ZNF174: variants seen among roughly 807,000 people sequenced by gnomAD.
ZNF174 encodes zinc finger protein 174, also known as AW-1.
A neutral mutation model predicts 38.7 loss-of-function variants in ZNF174; 30 were observed. The observed-to-expected ratio is 0.78, with a 90% CI of 0.58 to 1.05. The LOEUF is 1.05. Ranked by LOEUF, ZNF174 falls within the 50% of genes least tolerant of loss-of-function variation. ZNF174 has a pLI of 0.00. For missense variants in ZNF174, 499 were observed against 495.6 expected (o/e 1.01, Z -0.06); for synonymous variants, 201 against 181.7 (o/e 1.11, Z -0.86).
rs994473818 is a variant in ZNF174, at chr16:3,402,112, A to G, written c.108A>G (p.Gln36=). The change falls in exon 1 of 3, where the codon CAA becomes CAG. Residue 36 remains glutamine (Q), a synonymous_variant. Coordinates refer to ENST00000268655, the MANE Select transcript of ZNF174 (RefSeq NM_003450.3). The part of the protein sequence containing the change: ...KLEEKRGPPL[Q]KNCPDPELCR... ...AAGAGAAACGGGGCCCTCCTCTGCA[A>G]AAAAACTGCCCAGATCCTGAGCTCT... 9 of 1,614,072 alleles carry G rather than the reference A, an allele frequency of 5.6e-6. No individual in the cohort carries two copies. In the Admixed American group the frequency reaches 1.5e-4, roughly 27 times the overall value.
chr16:3,403,716 G>A (rs1411348878), intron 1 of ZNF174, among the ~76,000 whole-genome samples: 1 of 151,142 alleles, frequency 6.6e-6, no homozygotes, highest in African/African-American at 2.4e-5. Context: ...ACTCTTCTTG[G>A]GCCCAGGCGA....
intron 2 of ZNF174, among the ~76,000 whole-genome samples, chr16:3,406,319 C>T (rs2034055448): frequency 6.6e-6 from 1 of 152,114 alleles, no homozygotes; most frequent in African/African-American, 2.4e-5. Context: ...AGTGGAATTA[C>T]CATATGCTAG....
chr16:3,402,526 T>G (rs957348814), intron 1 of ZNF174, 120 bp downstream of exon 1: 7 of 1,010,356 alleles, frequency 6.9e-6, no homozygotes, highest in Non-Finnish European at 9.8e-6. Flanking sequence ...TGGCGCTATC[T>G]CGGCTCACTG....
At position 3,401,790 on chromosome 16, in the gene ZNF174, A is replaced by G; in HGVS notation, c.-215A>G. 1 of 556,622 alleles carries G rather than the reference A, an allele frequency of 1.8e-6. No homozygotes were observed. The highest frequency in any genetic ancestry group is 3.1e-6 in the Non-Finnish European group (1 of 324,004). 34.5% of individuals were successfully genotyped at this position (556,622 alleles called of 1,614,324 possible). A position where few individuals can be genotyped will look rare whatever the true frequency, so the allele number is the denominator to read the frequency against. On this transcript the variant is annotated 5_prime_UTR_variant, in exon 1 of 3. Coordinates refer to ENST00000268655, the MANE Select transcript of ZNF174 (RefSeq NM_003450.3). ...TGCAAGACTGCAAAAAACTGACAAG[A>G]AGACAAAACTCTTCCCACTCCCAGG...
At position 3,402,138 on chromosome 16, in the gene ZNF174, G is replaced by A; in HGVS notation, c.134G>A (p.Cys45Tyr). Residue 45 changes from cysteine to tyrosine, a missense_variant, in exon 1 of 3, where the codon TGC becomes TAC. Physicochemically the swap from Cys to Tyr is radical, Grantham distance 194. Coordinates refer to ENST00000268655, the MANE Select transcript of ZNF174 (RefSeq NM_003450.3). Reference protein sequence around the residue: ...LQKNCPDPELCRQSFRRFCYQ... With the variant: ...LQKNCPDPELYRQSFRRFCYQ... ...AAAAACTGCCCAGATCCTGAGCTCT[G>A]CCGCCAGAGCTTCAGACGCTTTTGT... 6.2e-7 allele frequency: 1 copy of A among 1,614,180 alleles called. No homozygotes were observed. Among genetic ancestry groups the A allele is most frequent in the South Asian group, 1.1e-5 (1 of 91,078 alleles).
rs760901828 is a variant in ZNF174, at chr16:3,404,555, C to T, written c.532C>T (p.Pro178Ser). Residue 178 changes from proline to serine, a missense_variant, in exon 2 of 3, where the codon CCT (proline) becomes TCT (serine). Coordinates refer to ENST00000268655, the MANE Select transcript of ZNF174 (RefSeq NM_003450.3). ...TCTCAGGGAGAGCTCTCCAGCAGAGCCTTCCCAGGCAGGAGCTTATGACCG... is the reference window on the plus strand; with the variant it reads ...TCTCAGGGAGAGCTCTCCAGCAGAGTCTTCCCAGGCAGGAGCTTATGACCG... Reference protein sequence around the residue: ...RDLRESSPAEPSQAGAYDRLS... With the variant: ...RDLRESSPAESSQAGAYDRLS... 8 of 1,614,110 alleles carry T rather than the reference C, an allele frequency of 5.0e-6. No homozygotes were observed. In the Admixed American group the frequency reaches 1.3e-4, roughly 27 times the overall value.
rs968720102 is a variant in ZNF174 at position 3,401,969 on chromosome 16, C to T, written c.-36C>T. ...GGGTCATGATCCCAAAGGCTTAACC[C>T]GTTTACAAGGAGAGAGTTGTCTCCT... On this transcript the variant is annotated 5_prime_UTR_variant, in exon 1 of 3. Coordinates refer to ENST00000268655, the MANE Select transcript of ZNF174 (RefSeq NM_003450.3). 3.1e-6 allele frequency: 5 copies of T among 1,600,662 alleles called. No individual in the cohort carries two copies. The African/African-American group carries it at 5.4e-5, about 17-fold the overall frequency.
rs574833040 is a variant in ZNF174, at chr16:3,403,727, T to TCCGC, written c.403-695_403-692dup. 4.6e-5 allele frequency among the ~76,000 whole-genome samples: 7 copies of TCCGC among 152,204 alleles called. No homozygotes were observed. The East Asian group carries it at 1.2e-3, about 25-fold the overall frequency. ...TTGAACTCTTCTTGGGCCCAGGCGA[T>TCCGC]CCGCCCGTCTTGACCTCCCAAAGTG... On this transcript the variant is annotated intron_variant, in intron 1 of 2. Coordinates refer to ENST00000268655, the MANE Select transcript of ZNF174 (RefSeq NM_003450.3).
intron 2 of ZNF174, chr16:3,405,138 T>C: frequency 1.5e-6 from 2 of 1,377,668 alleles, no homozygotes; most frequent in South Asian, 3.1e-5. Context: ...GCTGGCCTTG[T>C]TCTACACAGT....
chr16:3,405,316 G>A (rs1009573034), intron 2 of ZNF174, among the ~76,000 whole-genome samples: 1 of 152,166 alleles, frequency 6.6e-6, no homozygotes, highest in East Asian at 1.9e-4. Context: ...GTCTGTTCAG[G>A]CTGCTAATAT....
intron 2 of ZNF174, among the ~76,000 whole-genome samples, chr16:3,407,966 A>G (rs1407111895): frequency 1.3e-5 from 2 of 152,228 alleles, no homozygotes; most frequent in African/African-American, 4.8e-5. Flanking sequence ...TCTTCATTAG[A>G]TACCCAATTC....
Position 3,402,033 on chromosome 16 carries a change from G to C in ZNF174, c.29G>C (p.Ser10Thr). 6.2e-7 allele frequency: 1 copy of C among 1,613,344 alleles called. No homozygotes were observed. The highest frequency in any genetic ancestry group is 8.5e-7 in the Non-Finnish European group (1 of 1,179,862). Residue 10 changes from serine (S) to threonine (T), a missense_variant, in exon 1 of 3, where the codon AGC (serine) becomes ACC (threonine). Transcript: ENST00000268655. MAAKMEITL[S>T]SNTEASSKQE... is the part of the protein sequence containing the mutation. ...GCAGCTAAAATGGAGATAACTTTAA[G>C]CTCCAACACTGAAGCTTCCTCCAAG...
chr16:3,407,442 T>A (rs571733008), intron 2 of ZNF174, among the ~76,000 whole-genome samples: 1 of 152,348 alleles, frequency 6.6e-6, no homozygotes, highest in East Asian at 1.9e-4. Flanking sequence ...AATTGTCTTG[T>A]CAAAAAGCAA....
Position 3,402,155 on chromosome 16 carries a change from C to T in ZNF174, c.151C>T (p.Arg51Cys), listed in dbSNP as rs189561191. Residue 51 changes from arginine to cysteine, a missense_variant, in exon 1 of 3, where the codon CGC becomes TGC. Coordinates refer to ENST00000268655, the MANE Select transcript of ZNF174 (RefSeq NM_003450.3). ...DPELCRQSFR[R>C]FCYQEVSGPQ... ...TGAGCTCTGCCGCCAGAGCTTCAGA[C>T]GCTTTTGTTATCAAGAGGTGTCTGG... 5.6e-6 allele frequency: 9 copies of T among 1,614,180 alleles called. No individual in the cohort carries two copies. The highest frequency in any genetic ancestry group is 1.7e-5 in the Admixed American group (1 of 60,020).
rs770886347 is a variant in ZNF174 at position 3,408,953 on chromosome 16, G to A, written c.*34G>A. 3.2e-6 allele frequency: 5 copies of A among 1,549,632 alleles called. No homozygotes were observed. The highest frequency in any genetic ancestry group is 4.4e-6 in the Non-Finnish European group (5 of 1,146,738). On this transcript the variant is annotated 3_prime_UTR_variant, in exon 3 of 3. Transcript: ENST00000268655. ...CTCCATGCTTTAGATTCACACGGAA[G>A]GTGTTTGTGTTTCTCCTCCCCCTTA...
rs754687711 is a variant in ZNF174 at position 3,408,302 on chromosome 16, A to G, written c.626-19A>G. On this transcript the variant is annotated intron_variant, in intron 2 of 2. Transcript: ENST00000268655. ...TTCTTCCAAGTGCAGAAAATGAAGC[A>G]TTTTCTTTCTAATTATAGAGGCCCC... is the stretch of plus-strand genomic sequence containing the variant. 1.3e-6 allele frequency: 2 copies of G among 1,547,468 alleles called. No homozygotes were observed. The highest frequency in any genetic ancestry group is 2.1e-5 in the Admixed American group (1 of 46,860).
chr16:3,401,906 C>G lies in ZNF174; in HGVS notation c.-99C>G. The G allele has an allele frequency of 6.9e-7, 1 of 1,443,310 alleles. No individual in the cohort carries two copies. The highest frequency in any genetic ancestry group is 1.4e-5 in the African/African-American group (1 of 69,798). The allele number at this position is 1,443,310 out of a possible 1,614,324, so 89.4% of individuals were successfully genotyped here. A position where few individuals can be genotyped will look rare whatever the true frequency, so the allele number is the denominator to read the frequency against. ...CCCCCTAACATCCTCAGAGAACCTTCGTTTCTAGAATCTTTCTAGTATTCA... is the reference window on the plus strand; with the variant it reads ...CCCCCTAACATCCTCAGAGAACCTTGGTTTCTAGAATCTTTCTAGTATTCA... On this transcript the variant is annotated 5_prime_UTR_variant, in exon 1 of 3. Transcript: ENST00000268655.
intron 2 of ZNF174, among the ~76,000 whole-genome samples, 164 bp from the exon 3 acceptor site, chr16:3,408,157 G>A (rs1320808778): frequency 6.6e-6 from 1 of 152,136 alleles, no homozygotes; most frequent in African/African-American, 2.4e-5. Context: ...CAGCTCTGGG[G>A]GAAGGGTGAA....
At chr16:3,404,926 A>G in intron 2 of ZNF174, 1 of 1,614,188 alleles carries the variant, frequency 6.2e-7, no homozygotes. Context: ...TATAGAAAAG[A>G]CAGATCCAAA....
Sources: allele counts gnomAD v4.1 joint callset (sites outside exome capture counted in the v4.1 genomes callset), GRCh38; gene constraint gnomAD v4.1.1; transcripts MANE v1.5; gene names NCBI Gene and HGNC (gene_info 2026-07-23, HGNC 2026-07-21).